Variants in ARHGAP35 observed in about 807,000 individuals in gnomAD.
ARHGAP35 encodes the protein Rho GTPase activating protein 35.
ARHGAP35 carries 15 observed loss-of-function variants against 111.1 expected under a neutral mutation model. That is an observed-to-expected ratio of 0.13 (90% CI 0.09 to 0.21). The LOEUF (loss-of-function observed/expected upper bound fraction) is 0.21. Among genes scored for constraint, ARHGAP35 ranks in the 10% least tolerant of loss-of-function variants. The probability of loss-of-function intolerance (pLI) is 1.00; values close to 1 mark genes in which losing one functional copy is unlikely to be tolerated. For missense variants in ARHGAP35, 1,262 were observed against 1,873.0 expected (o/e 0.67, Z 6.02); for synonymous variants, 643 against 710.3 (o/e 0.91, Z 1.51).
intron 1 of ARHGAP35, among the ~76,000 whole-genome samples, chr19:46,876,425 G>T (rs752493618): frequency 2.6e-5 from 4 of 151,020 alleles, no homozygotes; most frequent in Non-Finnish European, 5.9e-5. Context: ...CCAGGCTGGA[G>T]TATAGTGGTA....
chr19:46,961,886 C>T (rs1465022180), intron 3 of ARHGAP35, among the ~76,000 whole-genome samples: 1 of 151,874 alleles, frequency 6.6e-6, no homozygotes, highest in Admixed American at 6.6e-5. Flanking sequence ...GCCGAGATTG[C>T]GCCACTGCCC....
chr19:46,874,016 G>A (rs2055902485), intron 1 of ARHGAP35, among the ~76,000 whole-genome samples: 1 of 152,176 alleles, frequency 6.6e-6, no homozygotes, highest in African/African-American at 2.4e-5. Flanking sequence ...CCAAATGCTG[G>A]GATTACAGGC....
At position 46,934,608 on chromosome 19, in the gene ARHGAP35, C is replaced by T. The variant is rs541446687; in HGVS notation, c.3682-2656C>T. ...TCTCGAACTCCTGATCTCAGGTGAT[C>T]CGCCCGCCTTGCCCTCCCAAAGTGC... On this transcript the variant is annotated intron_variant, in intron 2 of 6. Coordinates refer to ENST00000672722, the MANE Select transcript of ARHGAP35 (RefSeq NM_004491.5). Among the ~76,000 whole-genome samples, 210 of 151,462 alleles carry T rather than the reference C, an allele frequency of 1.4e-3. 2 individuals are homozygous for T. The highest frequency in any genetic ancestry group is 2.4e-3 in the Non-Finnish European group (162 of 67,804).
chr19:46,921,884 C>G lies in ARHGAP35; in HGVS notation c.3209C>G (p.Ser1070Cys), dbSNP rs1162546682. Residue 1070 changes from serine (S) to cysteine (C), a missense_variant, in exon 2 of 7, where the codon TCT becomes TGT. Coordinates refer to ENST00000672722, the MANE Select transcript of ARHGAP35 (RefSeq NM_004491.5). This position sits in a 1 kb window ranked among gnomAD's most constrained non-coding sequence, Gnocchi z 4.3. The stretch of plus-strand genomic sequence containing the variant: ...GGCCATAGGGATGGACAGAGGAAGT[C>G]TGTGTCTTCTAGCCCCTGGCTGCCT... ...DQGHRDGQRK[S>C]VSSSPWLPQD... The G allele has an allele frequency of 6.2e-7, 1 of 1,613,978 alleles. No individual in the cohort carries two copies. The highest frequency in any genetic ancestry group is 1.1e-5 in the South Asian group (1 of 91,068).
intron 2 of ARHGAP35, among the ~76,000 whole-genome samples, chr19:46,923,432 C>T (rs1055685119): frequency 3.3e-5 from 5 of 152,048 alleles, no homozygotes; most frequent in African/African-American, 1.2e-4. Context: ...AGTCTCTTAT[C>T]CTGCGTAGAA....
chr19:46,951,425 GT>G, intron 3 of ARHGAP35, among the ~76,000 whole-genome samples: 1 of 151,772 alleles, frequency 6.6e-6, no homozygotes, highest in South Asian at 2.1e-4. Context: ...CATGTGCATG[GT>G]TGTGCCATGT....
intron 3 of ARHGAP35, among the ~76,000 whole-genome samples, chr19:46,946,077 T>G (rs2122238725): frequency 6.6e-6 from 1 of 152,312 alleles, no homozygotes; most frequent in Admixed American, 6.5e-5. Context: ...AGGACACAGT[T>G]TTGTTAGTGC....
rs867196128 is a variant in ARHGAP35 at position 46,861,110 on chromosome 19, C to G, written c.-288C>G. 6.6e-6 allele frequency among the ~76,000 whole-genome samples: 1 copy of G among 151,314 alleles called. No individual in the cohort carries two copies. The highest frequency in any genetic ancestry group is 2.0e-4 in the East Asian group (1 of 5,082). On this transcript the variant is annotated 5_prime_UTR_variant, in exon 1 of 7. Transcript: ENST00000672722. ...GCCGCCGGAGCCGCCGCCGCCGCCT[C>G]AGCCGCCGCTGGACTAGGAGCAGGG... is the stretch of plus-strand genomic sequence containing the variant.
At position 46,993,867 on chromosome 19, in the gene ARHGAP35, G is replaced by A. The variant is rs543813405; in HGVS notation, c.4036+4192G>A. Reference sequence around the variant, plus strand: ...TCCTCCATAGGCCACCTTCTCTCCCGGCCCACGCCCCTGGACTCCTGTCTA... The same window carrying A: ...TCCTCCATAGGCCACCTTCTCTCCCAGCCCACGCCCCTGGACTCCTGTCTA... On this transcript the variant is annotated intron_variant, in intron 5 of 6. Coordinates refer to ENST00000672722, the MANE Select transcript of ARHGAP35 (RefSeq NM_004491.5). This position sits in a 1 kb window ranked among gnomAD's most constrained non-coding sequence, Gnocchi z 4.6. 2.0e-5 allele frequency among the ~76,000 whole-genome samples: 3 copies of A among 152,036 alleles called. No homozygotes were observed. The highest frequency in any genetic ancestry group is 1.9e-4 in the East Asian group (1 of 5,174).
In ARHGAP35 at chr19:46,901,279, C is replaced by A. The variant is rs1005790901; in HGVS notation, c.-188-17209C>A. Among the ~76,000 whole-genome samples the A allele has an allele frequency of 6.6e-6, 1 of 152,152 alleles. No homozygotes were observed. The highest frequency in any genetic ancestry group is 2.4e-5 in the African/African-American group (1 of 41,438). ...TTGAGGGTTTAATATAAGAGCAGGC[C>A]AGGCATAGTGGCTCACCCCTGTAAT... On this transcript the variant is annotated intron_variant, in intron 1 of 6. Transcript: ENST00000672722. The surrounding 1 kb of genome is among the most constrained non-coding windows in gnomAD (Gnocchi z 4.5).
At chr19:46,984,039 A>G (rs553844433) in intron 3 of ARHGAP35, among the ~76,000 whole-genome samples, 22 of 152,114 alleles carry the variant, frequency 1.4e-4, no homozygotes, top group Non-Finnish European at 2.8e-4. Context: ...TTCTTGTTCT[A>G]TTTCCAAAGA....
chr19:46,953,802 C>T (rs1249256664), intron 3 of ARHGAP35, among the ~76,000 whole-genome samples: 1 of 152,158 alleles, frequency 6.6e-6, no homozygotes, highest in Non-Finnish European at 1.5e-5. Flanking sequence ...GGTCACTTCC[C>T]GTCCAACCCT....
chr19:46,894,889 C>T (rs1040255821), intron 1 of ARHGAP35, among the ~76,000 whole-genome samples: 29 of 152,284 alleles, frequency 1.9e-4, no homozygotes, highest in African/African-American at 6.7e-4. Context: ...ATTTTTACTA[C>T]AGGCATTTTA....
Position 46,921,356 on chromosome 19 carries a change from A to G in ARHGAP35, c.2681A>G (p.Asp894Gly), listed in dbSNP as rs753640209. 1 of 1,613,976 alleles carries G rather than the reference A, an allele frequency of 6.2e-7. No homozygotes were observed. The highest frequency in any genetic ancestry group is 1.1e-5 in the South Asian group (1 of 91,088). The change falls in exon 2 of 7, where the codon GAT becomes GGT. Residue 894 changes from aspartate to glycine, a missense_variant. Physicochemically the swap from Asp to Gly is moderately conservative, Grantham distance 94. Transcript: ENST00000672722. This position sits in a 1 kb window ranked among gnomAD's most constrained non-coding sequence, Gnocchi z 4.3. ...QLVALTDGAV[D>G]VLDNDLSREQ... ...GTAGCACTCACTGATGGCGCTGTAGATGTCCTGGACAATGACTTAAGTAGG... is the reference window on the plus strand; with the variant it reads ...GTAGCACTCACTGATGGCGCTGTAGGTGTCCTGGACAATGACTTAAGTAGG...
intron 2 of ARHGAP35, among the ~76,000 whole-genome samples, chr19:46,933,513 T>G (rs940379339): frequency 1.5e-4 from 23 of 152,246 alleles, no homozygotes; most frequent in Middle Eastern, 6.8e-3. Flanking sequence ...GAATTTTCAC[T>G]AGATTATAAG....
intron 1 of ARHGAP35, among the ~76,000 whole-genome samples, chr19:46,895,075 CT>C (rs918854446): frequency 1.3e-5 from 2 of 150,260 alleles, no homozygotes; most frequent in East Asian, 2.0e-4. Flanking sequence ...TTTTTGGTAA[CT>C]TTTTTTTAAA....
intron 1 of ARHGAP35, among the ~76,000 whole-genome samples, chr19:46,877,419 C>T (rs1046904621): frequency 4.6e-5 from 7 of 151,600 alleles, no homozygotes; most frequent in South Asian, 2.1e-4. Flanking sequence ...AAAAACTAGC[C>T]GGGCGTGGTG....
Position 46,985,327 on chromosome 19 carries a change from G to A in ARHGAP35, c.3827-2662G>A, listed in dbSNP as rs188970645. Among the ~76,000 whole-genome samples the A allele has an allele frequency of 2.5e-3, 384 of 152,342 alleles. 1 individual carries two copies. Among genetic ancestry groups the A allele is most frequent in the African/African-American group, 8.9e-3 (368 of 41,578 alleles). ...AAAAGCTGCCCTGGTGCTTAGGCCA[G>A]AGGGCTTCACCCAAGTGTGGTGCTG... On this transcript the variant is annotated intron_variant, in intron 3 of 6. Coordinates refer to ENST00000672722, the MANE Select transcript of ARHGAP35 (RefSeq NM_004491.5).
chr19:46,991,323 G>C (rs1325596023), intron 5 of ARHGAP35, among the ~76,000 whole-genome samples: 2 of 152,182 alleles, frequency 1.3e-5, no homozygotes, highest in African/African-American at 4.8e-5. Context: ...CATTTGTCTT[G>C]ACTTGGCGCC....
Sources: allele counts gnomAD v4.1 joint callset (sites outside exome capture counted in the v4.1 genomes callset), GRCh38; gene constraint gnomAD v4.1.1; non-coding constraint Gnocchi (gnomAD v3.1); transcripts MANE v1.5; gene names NCBI Gene and HGNC (gene_info 2026-07-23, HGNC 2026-07-21).